Variants in NCKAP5 observed in about 807,000 individuals in gnomAD.
NCKAP5 encodes NCK associated protein 5, also known as nck-associated protein 5.
NCKAP5 carries 92 observed loss-of-function variants against 167.0 expected under a neutral mutation model. The ratio of observed to expected loss-of-function variants is 0.55; its 90% CI spans 0.47 to 0.66. The LOEUF (loss-of-function observed/expected upper bound fraction) is 0.66, where lower values mean the gene tolerates loss of function less well. Ranked by LOEUF, NCKAP5 falls within the 30% of genes least tolerant of loss-of-function variation. The pLI is 0.00. For missense variants in NCKAP5, 2,378 were observed against 2,315.0 expected (o/e 1.03, Z -0.56); for synonymous variants, 891 against 877.4 (o/e 1.02, Z -0.27).
At chr2:133,529,381 G>A (rs1033706001) in intron 2 of NCKAP5, among the ~76,000 whole-genome samples, 5 of 151,890 alleles carry the variant, frequency 3.3e-5, no homozygotes, top group African/African-American at 1.2e-4. Flanking sequence ...GACTGCATTT[G>A]TTCACCTGAT....
intron 5 of NCKAP5, among the ~76,000 whole-genome samples, chr2:133,170,566 C>A (rs762595619): frequency 2.0e-5 from 3 of 152,140 alleles, no homozygotes; most frequent in Non-Finnish European, 4.4e-5. Context: ...TTTCTTTATT[C>A]CACACTGTGT....
chr2:133,418,495 G>A (rs1239487836), intron 3 of NCKAP5, among the ~76,000 whole-genome samples: 2 of 152,170 alleles, frequency 1.3e-5, no homozygotes, highest in Non-Finnish European at 2.9e-5. Flanking sequence ...TCTTAGCATT[G>A]TTTTAAAAAG....
At chr2:133,421,555 T>A (rs1689480340) in intron 3 of NCKAP5, among the ~76,000 whole-genome samples, 1 of 152,132 alleles carries the variant, frequency 6.6e-6, no homozygotes, top group Non-Finnish European at 1.5e-5. Context: ...GTCTGAGCTA[T>A]ATACAAGTGG....
intron 4 of NCKAP5, among the ~76,000 whole-genome samples, chr2:133,302,820 T>G (rs942019018): frequency 3.3e-5 from 5 of 149,454 alleles, no homozygotes; most frequent in African/African-American, 9.8e-5. Context: ...AATAAATAAA[T>G]AAATAAATCT....
intron 3 of NCKAP5, among the ~76,000 whole-genome samples, chr2:133,455,569 C>T (rs1001091522): frequency 1.3e-5 from 2 of 152,034 alleles, no homozygotes; most frequent in African/African-American, 2.4e-5. Context: ...ATCTGTTTCT[C>T]CCTTTTTTCT....
intron 3 of NCKAP5, among the ~76,000 whole-genome samples, chr2:133,415,857 A>G (rs1161139300): frequency 6.6e-6 from 1 of 152,248 alleles, no homozygotes; most frequent in Non-Finnish European, 1.5e-5. Flanking sequence ...GAATAGCTGT[A>G]GAGTTACAGA....
chr2:133,008,935 C>T lies in NCKAP5; in HGVS notation c.342-14696G>A, dbSNP rs530659382. 4.2e-4 allele frequency among the ~76,000 whole-genome samples: 64 copies of T among 152,172 alleles called. 1 individual carries two copies. Among genetic ancestry groups the T allele is most frequent in the Non-Finnish European group, 7.3e-4 (50 of 68,034 alleles). The stretch of plus-strand genomic sequence containing the variant: ...AGCTATGAGAAAAATGAGATTCCTT[C>T]TCTTCTCCCCTTGCCTATCCAAACA... On this transcript the variant is annotated intron_variant, in intron 6 of 19. Coordinates refer to ENST00000409261, the MANE Select transcript of NCKAP5 (RefSeq NM_207363.3).
At chr2:133,165,697 G>C (rs1156642992) in intron 5 of NCKAP5, among the ~76,000 whole-genome samples, 1 of 152,160 alleles carries the variant, frequency 6.6e-6, no homozygotes, top group African/African-American at 2.4e-5. Flanking sequence ...CCTGTGTTAT[G>C]AGCATGCAAG....
intron 4 of NCKAP5, among the ~76,000 whole-genome samples, chr2:133,300,636 A>C (rs1680321893): frequency 1.5e-5 from 2 of 129,514 alleles, no homozygotes; most frequent in African/African-American, 6.3e-5. Context: ...TTTCAAAATA[A>C]TAAGAGCTAT....
intron 2 of NCKAP5, among the ~76,000 whole-genome samples, chr2:133,521,083 G>T (rs551094608): frequency 1.3e-5 from 2 of 152,170 alleles, no homozygotes; most frequent in South Asian, 2.1e-4. Context: ...AATATGAAAA[G>T]GAACCTGATT....
intron 10 of NCKAP5, among the ~76,000 whole-genome samples, chr2:132,865,331 G>C (rs900054045): frequency 6.6e-6 from 1 of 152,066 alleles, no homozygotes; most frequent in Non-Finnish European, 1.5e-5. Context: ...TATAATGAGG[G>C]CAATGGCTAA....
At chr2:132,951,559 G>A (rs2149147231) in intron 8 of NCKAP5, among the ~76,000 whole-genome samples, 1 of 152,268 alleles carries the variant, frequency 6.6e-6, no homozygotes, top group East Asian at 1.9e-4. Context: ...TGAGGCTCTA[G>A]GGTTGGAGCT....
At chr2:132,977,025 A>C (rs1159817503) in intron 7 of NCKAP5, among the ~76,000 whole-genome samples, 1 of 152,236 alleles carries the variant, frequency 6.6e-6, no homozygotes, top group African/African-American at 2.4e-5. Context: ...GATAATAATA[A>C]TACATAGCTC....
chr2:133,622,751 T>G, the NCKAP5 span, among the ~76,000 whole-genome samples: 11 of 151,894 alleles, frequency 7.2e-5, no homozygotes, highest in Non-Finnish European at 1.3e-4. Flanking sequence ...ACCTATAAAT[T>G]CAATGCAGTT....
At chr2:132,689,224 G>A (rs1686398680) in intron 19 of NCKAP5, among the ~76,000 whole-genome samples, 1 of 152,046 alleles carries the variant, frequency 6.6e-6, no homozygotes, top group East Asian at 1.9e-4. Context: ...TCAAAGAACT[G>A]GCTCCAAGAT....
At chr2:132,768,942 T>C (rs1404443244) in intron 16 of NCKAP5, among the ~76,000 whole-genome samples, 1 of 113,688 alleles carries the variant, frequency 8.8e-6, no homozygotes, top group Non-Finnish European at 1.9e-5. Context: ...CCTGGCCCTT[T>C]TTTTTTTTTT....
rs192535291 is a variant in NCKAP5, at chr2:132,836,363, C to T, written c.807+24129G>A. Among the ~76,000 whole-genome samples, 56 of 152,102 alleles carry T rather than the reference C, an allele frequency of 3.7e-4. No individual in the cohort carries two copies. In the East Asian group the frequency reaches 9.6e-3, roughly 26 times the overall value. On this transcript the variant is annotated intron_variant, in intron 11 of 19. Coordinates refer to ENST00000409261, the MANE Select transcript of NCKAP5 (RefSeq NM_207363.3). Reference sequence around the variant, plus strand: ...ACTGATTGCACGGCTGACTAAATGGCGCACTCCATGACCTCTTTCATGAAC... The same window carrying T: ...ACTGATTGCACGGCTGACTAAATGGTGCACTCCATGACCTCTTTCATGAAC...
chr2:133,523,987 T>C (rs1684676292), intron 2 of NCKAP5, among the ~76,000 whole-genome samples: 2 of 152,064 alleles, frequency 1.3e-5, no homozygotes, highest in African/African-American at 4.8e-5. Flanking sequence ...GCTGCAGGGA[T>C]CAGAGTAAAA....
At chr2:133,466,057 T>C (rs1692560282) in intron 3 of NCKAP5, among the ~76,000 whole-genome samples, 1 of 150,730 alleles carries the variant, frequency 6.6e-6, no homozygotes, top group Non-Finnish European at 1.5e-5. Flanking sequence ...CCATTGCTTT[T>C]GGTGTTTTAG....
Sources: allele counts gnomAD v4.1 joint callset (sites outside exome capture counted in the v4.1 genomes callset), GRCh38; gene constraint gnomAD v4.1.1; transcripts MANE v1.5; gene names NCBI Gene and HGNC (gene_info 2026-07-23, HGNC 2026-07-21).